The following SMN1 variants were observed in gnomAD, a reference collection of about 807,000 sequenced individuals.
SMN1 encodes the protein survival motor neuron protein.
For synonymous variants in SMN1, 3 were observed against 5.1 expected (o/e 0.58, Z 0.56); for missense variants, 15 against 17.1 (o/e 0.88, Z 0.22).
the SMN1 span, among the ~76,000 whole-genome samples, chr5:70,959,437 T>A: frequency 7.6e-6 from 1 of 132,076 alleles, no homozygotes; most frequent in African/African-American, 2.6e-5. Flanking sequence ...ATGCAAAAAT[T>A]AAAAATTTAA....
chr5:70,957,534 T>A (rs1420240636), downstream of SMN1, among the ~76,000 whole-genome samples: 1 of 149,640 alleles, frequency 6.7e-6, no homozygotes, highest in African/African-American at 2.5e-5. Flanking sequence ...GAAGGATTGT[T>A]GAATTTTGTC....
chr5:70,945,589 G>A (rs1188421123), intron 6 of SMN1, among the ~76,000 whole-genome samples: 1 of 110,940 alleles, frequency 9.0e-6, no homozygotes, highest in Non-Finnish European at 1.8e-5. Context: ...GTGTGTGTGT[G>A]TGTGTGTGTG....
chr5:70,955,242 A>G (rs1332499726), downstream of SMN1, among the ~76,000 whole-genome samples: 8 of 144,626 alleles, frequency 5.5e-5, no homozygotes, highest in Admixed American at 3.6e-4. Context: ...CAAAGCAACA[A>G]ACAAAAAACA....
At chr5:70,957,396 GT>G (rs1404023875), downstream of SMN1, among the ~76,000 whole-genome samples, 3 of 131,802 alleles carry the variant, frequency 2.3e-5, no homozygotes, top group Non-Finnish European at 4.9e-5. Context: ...TCTTGTGCGT[GT>G]TTTCAAAGGG....
downstream of SMN1, among the ~76,000 whole-genome samples, chr5:70,955,137 C>T (rs1244945555): frequency 1.4e-5 from 2 of 145,714 alleles, 1 homozygote; most frequent in Non-Finnish European, 3.0e-5. Flanking sequence ...CACTTGAGTA[C>T]AGGAGGTTGA....
chr5:70,959,580 T>G, the SMN1 span, among the ~76,000 whole-genome samples: 1 of 87,508 alleles, frequency 1.1e-5, no homozygotes, highest in Middle Eastern at 4.2e-3. Context: ...ACAGTCAGCA[T>G]CTTTAGGATT....
At chr5:70,952,191 A>G in intron 8 of SMN1, 197 bp downstream of exon 8, 4 of 1,488,434 alleles carry the variant, frequency 2.7e-6, no homozygotes, top group Non-Finnish European at 1.8e-6. Flanking sequence ...TAGAATTCTC[A>G]TACTTAACTG....
chr5:70,950,144 G>A (rs1342654136), intron 7 of SMN1, among the ~76,000 whole-genome samples: 4 of 148,868 alleles, frequency 2.7e-5, no homozygotes, highest in African/African-American at 1.0e-4. Context: ...TCAGCTGGGC[G>A]CAGTGGCTCA....
downstream of SMN1, among the ~76,000 whole-genome samples, chr5:70,956,807 T>G (rs1398362542): frequency 6.7e-6 from 1 of 148,898 alleles, no homozygotes; most frequent in South Asian, 2.2e-4. Context: ...GGGCTTTTTT[T>G]TGGTTCCATA....
At chr5:70,955,658 GC>G (rs1451437041), downstream of SMN1, among the ~76,000 whole-genome samples, 3 of 146,724 alleles carry the variant, frequency 2.0e-5, no homozygotes, top group Non-Finnish European at 3.0e-5. Flanking sequence ...GGTGGTGGGC[GC>G]CTGTAATCCC....
chr5:70,958,806 G>C (rs1749958597), downstream of SMN1, among the ~76,000 whole-genome samples: 1 of 149,912 alleles, frequency 6.7e-6, no homozygotes, highest in African/African-American at 2.4e-5. Context: ...GTGGGGTGGA[G>C]AGTTCTGTAA....
chr5:70,957,411 G>T (rs1241745589), downstream of SMN1, among the ~76,000 whole-genome samples: 14 of 138,106 alleles, frequency 1.0e-4, no homozygotes, highest in South Asian at 3.2e-3. Context: ...CAAAGGGAAT[G>T]CTTCCAGTTT....
At chr5:70,954,696 T>G (rs1580897175), downstream of SMN1, among the ~76,000 whole-genome samples, 1 of 42,754 alleles carries the variant, frequency 2.3e-5, no homozygotes, top group Non-Finnish European at 5.6e-5. Context: ...CTACTAAAAA[T>G]ACAAAAATTA....
the SMN1 span, among the ~76,000 whole-genome samples, chr5:70,960,176 T>A: frequency 6.6e-6 from 1 of 150,742 alleles, no homozygotes; most frequent in Admixed American, 6.6e-5. Flanking sequence ...TTTCTGTTGT[T>A]TATATCGTCT....
downstream of SMN1, among the ~76,000 whole-genome samples, chr5:70,955,736 G>T (rs1490550603): frequency 6.7e-6 from 1 of 148,410 alleles, no homozygotes; most frequent in African/African-American, 2.5e-5. Flanking sequence ...AGTGAGCCAA[G>T]ATCATGCCAC....
chr5:70,951,000 C>T (rs1229554913), intron 7 of SMN1, among the ~76,000 whole-genome samples: 4 of 151,864 alleles, frequency 2.6e-5, no homozygotes, highest in African/African-American at 9.7e-5. Flanking sequence ...TCTCCAAATC[C>T]GACCTCAGGT....
downstream of SMN1, among the ~76,000 whole-genome samples, chr5:70,956,622 T>C (rs79017766): frequency 9.4e-5 from 14 of 149,570 alleles, no homozygotes; most frequent in Middle Eastern, 0.01. Context: ...GATCAGATAG[T>C]TGTAGATATG....
At chr5:70,960,768 T>C in the SMN1 span, among the ~76,000 whole-genome samples, 4 of 147,274 alleles carry the variant, frequency 2.7e-5, no homozygotes, top group African/African-American at 9.9e-5. Context: ...TAATCTCGGC[T>C]CACTGCAACC....
chr5:70,952,650 TG>T lies in SMN1; in HGVS notation c.*216del. The T allele has an allele frequency of 3.2e-6, 1 of 310,626 alleles. No individual in the cohort carries two copies. The highest frequency in any genetic ancestry group is 2.4e-5 in the African/African-American group (1 of 41,906). 19.2% of individuals were successfully genotyped at this position (310,626 alleles called of 1,614,324 possible). Reference sequence around the variant, plus strand: ...TGAAATATTTTACTGGACTCTATTTTGAAAAACCATCTGTAAAAGACTGGGG... The same window carrying T: ...TGAAATATTTTACTGGACTCTATTTTAAAAACCATCTGTAAAAGACTGGGG... On this transcript the variant is annotated 3_prime_UTR_variant, in exon 9 of 9. Coordinates refer to ENST00000380707, the MANE Select transcript of SMN1 (RefSeq NM_000344.4).
Sources: allele counts gnomAD v4.1 joint callset (sites outside exome capture counted in the v4.1 genomes callset), GRCh38; gene constraint gnomAD v4.1.1; transcripts MANE v1.5; gene names NCBI Gene and HGNC (gene_info 2026-07-23, HGNC 2026-07-21).